Variants in IDE observed in about 807,000 individuals in gnomAD.
The protein encoded by IDE is insulin-degrading enzyme.
IDE carries 58 observed loss-of-function variants against 133.2 expected under a neutral mutation model. The observed-to-expected ratio is 0.44, with a 90% CI of 0.35 to 0.54. The LOEUF (loss-of-function observed/expected upper bound fraction) is 0.54, where lower values mean the gene tolerates loss of function less well. Among genes scored for constraint, IDE ranks in the 20% least tolerant of loss-of-function variants. The pLI, the probability that IDE is intolerant of heterozygous loss-of-function variation, is 0.00. For synonymous variants in IDE, 396 were observed against 421.3 expected, an observed-to-expected ratio of 0.94 and a Z score of 0.73; for missense variants, 981 against 1,234.0, an observed-to-expected ratio of 0.79 and a Z score of 3.07.
At chr10:92,568,866 G>A (rs2135847183) in intron 1 of IDE, among the ~76,000 whole-genome samples, 1 of 152,048 alleles carries the variant, frequency 6.6e-6, no homozygotes, top group South Asian at 2.1e-4. Context: ...CAGGGGAGGA[G>A]CAGAGTTATA....
chr10:92,473,405 T>C (rs1376095880), intron 17 of IDE, among the ~76,000 whole-genome samples: 2 of 151,844 alleles, frequency 1.3e-5, no homozygotes, highest in Non-Finnish European at 2.9e-5. Context: ...TCAATAGGCA[T>C]TCATTAGATA....
Position 92,504,901 on chromosome 10 carries a change from T to C in IDE, c.1327-4A>G. 7.5e-7 allele frequency: 1 copy of C among 1,339,736 alleles called. No homozygotes were observed. Among genetic ancestry groups the C allele is most frequent in the African/African-American group, 1.5e-5 (1 of 67,292 alleles). 83.0% of individuals were successfully genotyped at this position (1,339,736 alleles called of 1,614,324 possible). ...GCACCTCTTCTAGGGGATAATACTTTTAAAAAGGAAAATATAAATAAATAA... is the reference window on the plus strand; with the variant it reads ...GCACCTCTTCTAGGGGATAATACTTCTAAAAAGGAAAATATAAATAAATAA... On this transcript the variant is annotated splice_polypyrimidine_tract_variant and splice_region_variant and intron_variant, in intron 10 of 24. Coordinates refer to ENST00000265986, the MANE Select transcript of IDE (RefSeq NM_004969.4).
At chr10:92,565,350 C>CA (rs1843485361) in intron 1 of IDE, among the ~76,000 whole-genome samples, 1 of 146,306 alleles carries the variant, frequency 6.8e-6, no homozygotes, top group Non-Finnish European at 1.5e-5. Flanking sequence ...ACTCAGGAGA[C>CA]AGAGGTTGCA....
At chr10:92,478,369 A>G (rs1417578222) in intron 15 of IDE, among the ~76,000 whole-genome samples, 2 of 152,224 alleles carry the variant, frequency 1.3e-5, no homozygotes, top group South Asian at 2.1e-4. Flanking sequence ...TTATATAGAA[A>G]GAACAATATG....
intron 8 of IDE, 28 bp from the exon 9 acceptor site, chr10:92,507,694 C>G (rs1430345921): frequency 8.4e-7 from 1 of 1,197,014 alleles, no homozygotes; most frequent in East Asian, 2.3e-5. Flanking sequence ...ACTTAAAAAC[C>G]ATTCAGTCCT....
chr10:92,489,988 A>T (rs781159869), intron 12 of IDE, among the ~76,000 whole-genome samples: 5 of 152,242 alleles, frequency 3.3e-5, no homozygotes, highest in Non-Finnish European at 7.3e-5. Flanking sequence ...GATGAATGGG[A>T]CAAAATATTG....
chr10:92,571,079 A>G (rs1361363627), intron 1 of IDE, among the ~76,000 whole-genome samples: 2 of 151,440 alleles, frequency 1.3e-5, no homozygotes, highest in African/African-American at 4.8e-5. Flanking sequence ...TCCTGGGTTC[A>G]AGCGATTCTC....
chr10:92,498,051 C>T (rs545678303), intron 11 of IDE, among the ~76,000 whole-genome samples: 38 of 152,294 alleles, frequency 2.5e-4, no homozygotes, highest in Admixed American at 8.5e-4. Flanking sequence ...GTTTGTACAA[C>T]ACTTTTTGAC....
chr10:92,536,810 C>G (rs1842033074), intron 2 of IDE, among the ~76,000 whole-genome samples: 5 of 151,958 alleles, frequency 3.3e-5, no homozygotes, highest in Admixed American at 3.3e-4. Flanking sequence ...GAGGCCAAGG[C>G]AGGCAGATCA....
intron 24 of IDE, 147 bp from the exon 25 acceptor site, chr10:92,454,686 A>T (rs1357932638): frequency 1.6e-6 from 1 of 636,374 alleles, no homozygotes; most frequent in African/African-American, 1.8e-5. Context: ...TCTACCTAAT[A>T]ACCCATGTAT....
At chr10:92,497,404 G>GT (rs1847769205) in intron 11 of IDE, among the ~76,000 whole-genome samples, 1 of 152,128 alleles carries the variant, frequency 6.6e-6, no homozygotes. Flanking sequence ...ACTGAAGCTG[G>GT]TAACTACTTA....
In IDE at chr10:92,508,811, T is replaced by C. The variant is rs777343062; in HGVS notation, c.977A>G (p.Tyr326Cys). 1.9e-6 allele frequency: 3 copies of C among 1,613,194 alleles called. No homozygotes were observed. Among genetic ancestry groups the C allele is most frequent in the Admixed American group, 3.3e-5 (2 of 59,994 alleles). Residue 326 changes from tyrosine (Y) to cysteine (C), a missense_variant, in exon 7 of 25, where the codon TAC becomes TGC. By Grantham distance (194) the Tyr-to-Cys change is radical (BLOSUM62 -2). Coordinates refer to ENST00000265986, the MANE Select transcript of IDE (RefSeq NM_004969.4). ...TFPIPDLQKY[Y>C]KSNPGHYLGH... Reference sequence around the variant, plus strand: ...AAGATAATGACCAGGATTTGATTTGTAGTATTTCTGAAGGTCAGGTATGGG... The same window carrying C: ...AAGATAATGACCAGGATTTGATTTGCAGTATTTCTGAAGGTCAGGTATGGG...
At chr10:92,552,857 C>CAAAAAAAAA (rs71028827) in intron 1 of IDE, among the ~76,000 whole-genome samples, 10,319 of 48,504 alleles carry the variant, frequency 0.21, 1,774 homozygotes, top group East Asian at 0.46. Flanking sequence ...GACTCAGTCT[C>CAAAAAAAAA]AAAAAAAAAA....
At chr10:92,505,418 C>T (rs1290832840) in intron 10 of IDE, among the ~76,000 whole-genome samples, 2 of 152,138 alleles carry the variant, frequency 1.3e-5, no homozygotes, top group Non-Finnish European at 2.9e-5. Flanking sequence ...GTAAGAGCAA[C>T]TTCCAATATA....
Position 92,458,409 on chromosome 10 carries a change from T to G in IDE, c.2824-1978A>C, listed in dbSNP as rs142013161. ...AAACCCTTTTCCTAGGTACCCCTATTAATATCTTGCATACCATGGAACACA... is the reference window on the plus strand; with the variant it reads ...AAACCCTTTTCCTAGGTACCCCTATGAATATCTTGCATACCATGGAACACA... On this transcript the variant is annotated intron_variant, in intron 22 of 24. Coordinates refer to ENST00000265986, the MANE Select transcript of IDE (RefSeq NM_004969.4). Among the ~76,000 whole-genome samples the G allele has an allele frequency of 7.5e-3, 1,141 of 152,042 alleles. 13 individuals are homozygous for G. Among genetic ancestry groups the G allele is most frequent in the African/African-American group, 0.026 (1,084 of 41,474 alleles).
chr10:92,516,468 C>A (rs1461957010), intron 4 of IDE, among the ~76,000 whole-genome samples: 2 of 152,214 alleles, frequency 1.3e-5, no homozygotes, highest in East Asian at 1.9e-4. Context: ...CACTCCTGGG[C>A]AACAGAGTGA....
At chr10:92,502,439 A>AT (rs533581443) in intron 11 of IDE, among the ~76,000 whole-genome samples, 1 of 151,754 alleles carries the variant, frequency 6.6e-6, no homozygotes, top group Non-Finnish European at 1.5e-5. Flanking sequence ...TTAATTTTCT[A>AT]TTTTTTTGTT....
chr10:92,479,808 C>G (rs1406554808), intron 14 of IDE: 1 of 157,920 alleles, frequency 6.3e-6, no homozygotes, highest in Non-Finnish European at 1.4e-5. Context: ...AGAACAGATA[C>G]AGCATTTGCA....
intron 19 of IDE, among the ~76,000 whole-genome samples, chr10:92,468,482 C>G (rs1004149215): frequency 6.6e-6 from 1 of 152,146 alleles, no homozygotes; most frequent in African/African-American, 2.4e-5. Flanking sequence ...TTATCTGCAC[C>G]TGTGGGTTTC....
Sources: gnomAD v4.1 joint callset for allele counts (sites outside exome capture counted in the v4.1 genomes callset) on GRCh38, gnomAD v4.1.1 for gene constraint, MANE v1.5 for transcripts, NCBI Gene and HGNC (gene_info 2026-07-23, HGNC 2026-07-21) for gene names.